Variants in RAPGEF1 observed in about 807,000 individuals in gnomAD.
The protein encoded by RAPGEF1 is CRK SH3-binding GNRP.
A neutral mutation model predicts 143.3 loss-of-function variants in RAPGEF1; 33 were observed. The observed-to-expected ratio is 0.23, with a 90% CI of 0.17 to 0.31. The LOEUF is 0.31. RAPGEF1 is among the 10% of genes least tolerant of loss of function. The probability of loss-of-function intolerance (pLI) is 1.00; values close to 1 mark genes in which losing one functional copy is unlikely to be tolerated. For synonymous variants in RAPGEF1, 629 were observed against 676.5 expected, an observed-to-expected ratio of 0.93 and a Z score of 1.09; for missense variants, 1,199 against 1,645.4, an observed-to-expected ratio of 0.73 and a Z score of 4.69.
At chr9:131,707,997 A>G (rs1169782359) in intron 1 of RAPGEF1, among the ~76,000 whole-genome samples, 1 of 152,210 alleles carries the variant, frequency 6.6e-6, no homozygotes, top group Non-Finnish European at 1.5e-5. Context: ...CGTTTTGTTC[A>G]AACTTGGATC....
At chr9:131,587,009 CAA>C (rs1293223475) in intron 22 of RAPGEF1, among the ~76,000 whole-genome samples, 1 of 49,024 alleles carries the variant, frequency 2.0e-5, no homozygotes, top group Non-Finnish European at 3.9e-5. Flanking sequence ...GACTCCGTCT[CAA>C]ACACACACAC....
intron 1 of RAPGEF1, among the ~76,000 whole-genome samples, chr9:131,705,295 G>A (rs986946279): frequency 2.0e-5 from 3 of 152,150 alleles, no homozygotes; most frequent in African/African-American, 7.2e-5. Flanking sequence ...TGCAAGTGCT[G>A]GGGACAAAAC....
chr9:131,709,588 C>A (rs143095737), intron 1 of RAPGEF1: 1,537 of 1,608,352 alleles, frequency 9.6e-4, no homozygotes, highest in Non-Finnish European at 1.1e-3. Context: ...CTCCTTGCTT[C>A]TTCCTGGAAA....
chr9:131,607,577 C>G (rs991429760), intron 12 of RAPGEF1, among the ~76,000 whole-genome samples: 1 of 152,074 alleles, frequency 6.6e-6, no homozygotes, highest in Non-Finnish European at 1.5e-5. Context: ...GGACGGCGTG[C>G]TGCTGGGGGG....
chr9:131,582,712 C>T lies in RAPGEF1; in HGVS notation c.3415-10G>A. ...AGTACTCGGCCAGGCCCTGGCAGGA[C>T]AGGACAGGACAGGACCGGACAGGGG... On this transcript the variant is annotated splice_polypyrimidine_tract_variant and intron_variant, in intron 24 of 26. Coordinates refer to ENST00000683357, the MANE Select transcript of RAPGEF1 (RefSeq NM_001377935.1). The T allele has an allele frequency of 4.5e-6, 7 of 1,556,768 alleles. No homozygotes were observed. The highest frequency in any genetic ancestry group is 6.1e-6 in the Non-Finnish European group (7 of 1,156,002).
At chr9:131,629,850 T>G (rs1207262263) in intron 6 of RAPGEF1, among the ~76,000 whole-genome samples, 2 of 151,894 alleles carry the variant, frequency 1.3e-5, no homozygotes, top group African/African-American at 4.8e-5. Flanking sequence ...GGAGTAGAGA[T>G]GAATATAAAC....
chr9:131,646,450 A>C (rs1438385210), intron 3 of RAPGEF1, among the ~76,000 whole-genome samples: 1 of 152,134 alleles, frequency 6.6e-6, no homozygotes, highest in Non-Finnish European at 1.5e-5. Flanking sequence ...TGGACATAAA[A>C]TCCCCATCGC....
At chr9:131,674,952 T>C (rs1358930783) in intron 1 of RAPGEF1, among the ~76,000 whole-genome samples, 2 of 152,022 alleles carry the variant, frequency 1.3e-5, no homozygotes, top group Non-Finnish European at 2.9e-5. Context: ...CCAAGGTGAA[T>C]GCTTAAACCT....
At chr9:131,610,084 T>C (rs1336057862) in intron 12 of RAPGEF1, among the ~76,000 whole-genome samples, 1 of 152,144 alleles carries the variant, frequency 6.6e-6, no homozygotes. Context: ...TTTGTAGAGA[T>C]AGCGTTTTGC....
intron 22 of RAPGEF1, among the ~76,000 whole-genome samples, chr9:131,585,362 A>AGCGGG (rs10657349): frequency 1.4e-5 from 2 of 146,258 alleles, no homozygotes; most frequent in Non-Finnish European, 1.5e-5. Flanking sequence ...AATTTTTTGT[A>AGCGGG]GGGGGGGGGC....
intron 18 of RAPGEF1, 68 bp from the exon 19 acceptor site, chr9:131,590,046 G>T (rs1953934132): frequency 2.2e-6 from 3 of 1,381,002 alleles, no homozygotes; most frequent in Non-Finnish European, 3.1e-6. Flanking sequence ...ACTGACTCCT[G>T]GTGACCACTC....
intron 1 of RAPGEF1, among the ~76,000 whole-genome samples, chr9:131,693,547 GA>G (rs1262251466): frequency 2.6e-5 from 4 of 152,072 alleles, no homozygotes; most frequent in African/African-American, 9.7e-5. Flanking sequence ...AAGTAACTCT[GA>G]AACAACCAAT....
chr9:131,657,918 T>C (rs576964660), intron 1 of RAPGEF1, among the ~76,000 whole-genome samples: 1 of 152,382 alleles, frequency 6.6e-6, no homozygotes, highest in East Asian at 1.9e-4. Context: ...GTAAAGATTC[T>C]CACGCTCTTG....
At chr9:131,651,460 C>T (rs910984244) in intron 1 of RAPGEF1, among the ~76,000 whole-genome samples, 2 of 152,054 alleles carry the variant, frequency 1.3e-5, no homozygotes, top group African/African-American at 4.8e-5. Context: ...AAAGACTTGC[C>T]CCAAAGATCA....
intron 1 of RAPGEF1, among the ~76,000 whole-genome samples, chr9:131,706,518 C>T (rs1181019877): frequency 6.6e-6 from 1 of 152,174 alleles, no homozygotes; most frequent in Non-Finnish European, 1.5e-5. Context: ...GATCCGCCTG[C>T]CTCGGCCTCC....
At chr9:131,718,186 C>T (rs534683866) in intron 1 of RAPGEF1, among the ~76,000 whole-genome samples, 5 of 152,214 alleles carry the variant, frequency 3.3e-5, no homozygotes, top group South Asian at 2.1e-4. Flanking sequence ...AGTAAGAGAA[C>T]GGCAAGTGCA....
intron 1 of RAPGEF1, among the ~76,000 whole-genome samples, chr9:131,717,065 A>C (rs1393912769): frequency 2.6e-5 from 4 of 152,166 alleles, no homozygotes; most frequent in Admixed American, 1.3e-4. Context: ...CGGGTCCCAC[A>C]GCCTCTGCTT....
intron 1 of RAPGEF1, among the ~76,000 whole-genome samples, chr9:131,733,016 G>A (rs1372084581): frequency 3.9e-5 from 6 of 152,288 alleles, no homozygotes; most frequent in East Asian, 1.9e-4. Context: ...TATGTTAGAG[G>A]AAGAGAAGGC....
intron 5 of RAPGEF1, among the ~76,000 whole-genome samples, chr9:131,634,353 G>A (rs1449483023): frequency 2.0e-5 from 3 of 152,110 alleles, no homozygotes; most frequent in South Asian, 2.1e-4. Flanking sequence ...AGTCAAAAAC[G>A]GTATTTGGAA....
Sources: allele counts gnomAD v4.1 joint callset (sites outside exome capture counted in the v4.1 genomes callset), GRCh38; gene constraint gnomAD v4.1.1; transcripts MANE v1.5; gene names NCBI Gene and HGNC (gene_info 2026-07-23, HGNC 2026-07-21).